Variants in ATP8B1 observed in about 807,000 individuals in gnomAD.
The protein encoded by ATP8B1 is ATPase phospholipid transporting 8B1.
A neutral mutation model predicts 149.9 loss-of-function variants in ATP8B1; 80 were observed. That is an observed-to-expected ratio of 0.53 (90% CI 0.45 to 0.64). The LOEUF (loss-of-function observed/expected upper bound fraction) is 0.64. Among genes scored for constraint, ATP8B1 ranks in the 30% least tolerant of loss-of-function variants. The pLI is 0.00. For missense variants in ATP8B1, 1,247 were observed against 1,552.6 expected, an observed-to-expected ratio of 0.80 and a Z score of 3.31; for synonymous variants, 536 against 562.8, an observed-to-expected ratio of 0.95 and a Z score of 0.67.
At chr18:57,653,851 T>C in intron 24 of ATP8B1, 141 bp downstream of exon 24, 1 of 827,214 alleles carries the variant, frequency 1.2e-6, no homozygotes, top group Non-Finnish European at 2.0e-6. Flanking sequence ...GCCATGACCC[T>C]TGATGCCTGA....
intron 1 of ATP8B1, among the ~76,000 whole-genome samples, chr18:57,791,481 G>A (rs1006486312): frequency 6.6e-6 from 1 of 151,282 alleles, no homozygotes; most frequent in Non-Finnish European, 1.5e-5. Flanking sequence ...CTCCCGAGTA[G>A]CTAGGATTAC....
At chr18:57,760,275 C>T (rs1311470680) in intron 1 of ATP8B1, among the ~76,000 whole-genome samples, 2 of 152,224 alleles carry the variant, frequency 1.3e-5, no homozygotes, top group African/African-American at 4.8e-5. Flanking sequence ...TTGGGATGAA[C>T]ATTTCATCAA....
At chr18:57,659,198 G>A (rs1274133716) in intron 22 of ATP8B1, among the ~76,000 whole-genome samples, 1 of 152,100 alleles carries the variant, frequency 6.6e-6, no homozygotes, top group Non-Finnish European at 1.5e-5. Context: ...ATTGTTTGAG[G>A]CCAGGAGGTG....
intron 15 of ATP8B1, among the ~76,000 whole-genome samples, chr18:57,679,346 A>G (rs1485814300): frequency 6.6e-6 from 1 of 152,178 alleles, no homozygotes; most frequent in Non-Finnish European, 1.5e-5. Flanking sequence ...ATACCCATGT[A>G]ACAAACATGC....
At chr18:57,685,523 T>C (rs919033283) in intron 13 of ATP8B1, among the ~76,000 whole-genome samples, 1 of 152,150 alleles carries the variant, frequency 6.6e-6, no homozygotes, top group Non-Finnish European at 1.5e-5. Context: ...ATTGTGCTAT[T>C]AAGTATATTT....
chr18:57,648,754 C>CG, intron 27 of ATP8B1, 42 bp from the exon 28 acceptor site: 1 of 1,542,578 alleles, frequency 6.5e-7, no homozygotes, highest in Non-Finnish European at 8.8e-7. Flanking sequence ...ATAAGATCCA[C>CG]ACCAGGGAGG....
intron 16 of ATP8B1, among the ~76,000 whole-genome samples, chr18:57,672,374 A>C (rs1414062095): frequency 6.6e-6 from 1 of 152,250 alleles, no homozygotes; most frequent in African/African-American, 2.4e-5. Flanking sequence ...AAATCAAGGT[A>C]GATGGCAAGC....
At chr18:57,744,013 C>T (rs1235265573) in intron 1 of ATP8B1, among the ~76,000 whole-genome samples, 1 of 152,088 alleles carries the variant, frequency 6.6e-6, no homozygotes, top group Non-Finnish European at 1.5e-5. Context: ...CTAGCCACAG[C>T]AAGAAGAAAT....
intron 20 of ATP8B1, among the ~76,000 whole-genome samples, chr18:57,664,346 A>C (rs1910719422): frequency 1.3e-5 from 2 of 151,660 alleles, no homozygotes. Context: ...GTCTCTACTA[A>C]AAATACAAAA....
At chr18:57,697,264 AAAAT>A (rs1461554537) in intron 8 of ATP8B1, among the ~76,000 whole-genome samples, 15 of 152,264 alleles carry the variant, frequency 9.9e-5, no homozygotes, top group African/African-American at 3.6e-4. Context: ...CTCTGTCTCA[AAAAT>A]AAATAAATAA....
chr18:57,776,051 C>T (rs547302625), intron 1 of ATP8B1, among the ~76,000 whole-genome samples: 1 of 152,270 alleles, frequency 6.6e-6, no homozygotes, highest in East Asian at 1.9e-4. Flanking sequence ...GGATTCTAAT[C>T]AAAGGAGGCA....
At chr18:57,693,394 T>C (rs749182322) in intron 11 of ATP8B1, among the ~76,000 whole-genome samples, 2 of 152,288 alleles carry the variant, frequency 1.3e-5, no homozygotes, top group South Asian at 2.1e-4. Context: ...ATTTCCCAGT[T>C]ATTTTTTATT....
rs138132676 is a variant in ATP8B1, at chr18:57,693,918, A to G, written c.1029+664T>C. Among the ~76,000 whole-genome samples the G allele has an allele frequency of 8.0e-3, 1,220 of 152,052 alleles. 23 individuals carry two copies. The highest frequency in any genetic ancestry group is 0.028 in the African/African-American group (1,158 of 41,478). ...TTGCTGCTGGGAGAATTAAGTGCCT[A>G]TTGTGTGTGTGGTTTGGTGGGGAGT... On this transcript the variant is annotated intron_variant, in intron 11 of 27. Coordinates refer to ENST00000648908, the MANE Select transcript of ATP8B1 (RefSeq NM_001374385.1).
chr18:57,656,418 C>G (rs1338889024), intron 22 of ATP8B1, among the ~76,000 whole-genome samples: 2 of 146,728 alleles, frequency 1.4e-5, no homozygotes, highest in African/African-American at 5.0e-5. Flanking sequence ...TGAAGTCTCA[C>G]TCTGTCACCC....
In ATP8B1 at chr18:57,683,984, T is replaced by C; in HGVS notation, c.1630+52A>G. ...ATTTGAGCCATAAGCAGGAGTTACC[T>C]GGAAACAAAAAACCTGGTCTCTAAT... On this transcript the variant is annotated intron_variant, in intron 15 of 27. Transcript: ENST00000648908. The C allele has an allele frequency of 7.4e-6, 12 of 1,611,244 alleles. No individual in the cohort carries two copies. In the South Asian group the frequency reaches 1.3e-4, roughly 18 times the overall value.
At chr18:57,681,100 T>G (rs1015208734) in intron 15 of ATP8B1, among the ~76,000 whole-genome samples, 1 of 152,148 alleles carries the variant, frequency 6.6e-6, no homozygotes, top group East Asian at 1.9e-4. Context: ...CTGACTGAAT[T>G]AGATGAGCTT....
chr18:57,704,487 G>A, intron 4 of ATP8B1, 68 bp downstream of exon 4: 1 of 1,055,560 alleles, frequency 9.5e-7, no homozygotes, highest in Non-Finnish European at 1.5e-6. Context: ...CACATTATAT[G>A]TGTCTACAGC....
In ATP8B1 at chr18:57,652,579, G is replaced by C; in HGVS notation, c.3166C>G (p.Leu1056Val). ...ILFFIPLGAYLQTVGQDGEAP... is the reference protein window; with the variant it reads ...ILFFIPLGAYVQTVGQDGEAP... ...TCTCCATCCTGCCCTACGGTTTGCA[G>C]ATAAGCTCCAAGAGGTATGAAGAAG... is the stretch of plus-strand genomic sequence containing the variant. The change falls in exon 25 of 28, where the codon CTG becomes GTG. Residue 1056 changes from leucine (L) to valine (V), a missense_variant. Around this residue, in one of 3 missense-constraint regions of ATP8B1, gnomAD observed 230 missense variants for 356.6 expected, o/e 0.65. Transcript: ENST00000648908. 3.1e-6 allele frequency: 5 copies of C among 1,614,178 alleles called. No homozygotes were observed. The highest frequency in any genetic ancestry group is 4.2e-6 in the Non-Finnish European group (5 of 1,180,030).
chr18:57,800,319 GC>G (rs1192876529), intron 1 of ATP8B1, among the ~76,000 whole-genome samples: 1 of 152,082 alleles, frequency 6.6e-6, no homozygotes, highest in Admixed American at 6.6e-5. Flanking sequence ...ACATAACAAG[GC>G]CCTGTCTCTA....
Sources: allele counts gnomAD v4.1 joint callset (sites outside exome capture counted in the v4.1 genomes callset), GRCh38; gene constraint gnomAD v4.1.1; regional missense constraint gnomAD v4.1.1; transcripts MANE v1.5; gene names NCBI Gene and HGNC (gene_info 2026-07-23, HGNC 2026-07-21).